The following DACH1 variants were observed in gnomAD, a reference collection of about 807,000 sequenced individuals.
DACH1 encodes the protein dachshund family transcription factor 1.
In DACH1, 12 loss-of-function variants were observed where a neutral mutation model predicts 54.2. The ratio of observed to expected loss-of-function variants is 0.22; its 90% CI spans 0.14 to 0.36. The LOEUF (loss-of-function observed/expected upper bound fraction) is 0.36, where lower values mean the gene tolerates loss of function less well. DACH1 is among the 10% of genes least tolerant of loss of function. The pLI, the probability that DACH1 is intolerant of heterozygous loss-of-function variation, is 1.00. For missense variants in DACH1, 805 were observed against 929.8 expected (o/e 0.87, Z 1.75); for synonymous variants, 386 against 366.2 (o/e 1.05, Z -0.62).
chr13:71,601,282 C>A (rs1874473694), intron 3 of DACH1, among the ~76,000 whole-genome samples: 1 of 151,976 alleles, frequency 6.6e-6, no homozygotes, highest in Non-Finnish European at 1.5e-5. Context: ...CAGATATTAT[C>A]AGTGGGATTA....
chr13:71,620,014 C>A (rs1195705632), intron 3 of DACH1, among the ~76,000 whole-genome samples: 1 of 151,738 alleles, frequency 6.6e-6, no homozygotes, highest in Non-Finnish European at 1.5e-5. Context: ...AAACTGGTAA[C>A]TGTAGGAGGC....
chr13:71,687,374 A>G (rs1315497555), intron 1 of DACH1, among the ~76,000 whole-genome samples: 1 of 151,974 alleles, frequency 6.6e-6, no homozygotes, highest in African/African-American at 2.4e-5. Context: ...AGGAATGCTT[A>G]CTTTCTAAGT....
At position 71,502,773 on chromosome 13, in the gene DACH1, T is replaced by C. The variant is rs183444817; in HGVS notation, c.1571-13625A>G. 1.1e-4 allele frequency among the ~76,000 whole-genome samples: 17 copies of C among 152,320 alleles called. No homozygotes were observed. The East Asian group carries it at 2.9e-3, about 26-fold the overall frequency. ...CATTTGTCACCATAAGAACCTTGTG[T>C]AGGTTTCCAAATCACCGTCTTTCAG... On this transcript the variant is annotated intron_variant, in intron 6 of 10. Transcript: ENST00000613252.
intron 3 of DACH1, among the ~76,000 whole-genome samples, chr13:71,616,135 C>T (rs1157922032): frequency 6.6e-6 from 1 of 152,112 alleles, no homozygotes; most frequent in Admixed American, 6.5e-5. Context: ...TAATGCTGAA[C>T]CACAAACATT....
At chr13:71,759,081 T>C (rs1316290506) in intron 1 of DACH1, among the ~76,000 whole-genome samples, 1 of 152,158 alleles carries the variant, frequency 6.6e-6, no homozygotes, top group Non-Finnish European at 1.5e-5. Context: ...TCTGGAACTT[T>C]TGGACAATGC....
chr13:71,666,007 G>A (rs1879809415), intron 2 of DACH1, among the ~76,000 whole-genome samples: 1 of 152,068 alleles, frequency 6.6e-6, no homozygotes, highest in Non-Finnish European at 1.5e-5. Flanking sequence ...CTACCATGTA[G>A]TAGTTAGTTA....
At chr13:71,693,469 A>AT (rs748598587) in intron 1 of DACH1, among the ~76,000 whole-genome samples, 5,912 of 119,186 alleles carry the variant, frequency 0.05, 244 homozygotes, top group African/African-American at 0.11. Flanking sequence ...CGCCCGGCAA[A>AT]TTTTTTTTTT....
At chr13:71,844,511 C>A (rs1350768574) in intron 1 of DACH1, among the ~76,000 whole-genome samples, 1 of 152,154 alleles carries the variant, frequency 6.6e-6, no homozygotes, top group East Asian at 1.9e-4. Flanking sequence ...ACTATACCTC[C>A]TCTCCTAAAT....
At chr13:71,724,729 GAGA>G (rs1423979051) in intron 1 of DACH1, among the ~76,000 whole-genome samples, 1 of 152,240 alleles carries the variant, frequency 6.6e-6, no homozygotes, top group East Asian at 1.9e-4. Flanking sequence ...GTTTTAAACA[GAGA>G]AGAATTGTAA....
At chr13:71,535,006 A>T (rs926627867) in intron 6 of DACH1, among the ~76,000 whole-genome samples, 5 of 151,872 alleles carry the variant, frequency 3.3e-5, no homozygotes, top group African/African-American at 9.7e-5. Context: ...AAAAAGATCT[A>T]GTGACTATCT....
intron 1 of DACH1, among the ~76,000 whole-genome samples, chr13:71,752,276 A>G (rs1289211802): frequency 1.3e-5 from 2 of 152,152 alleles, no homozygotes; most frequent in Non-Finnish European, 2.9e-5. Context: ...AATACATCAT[A>G]TATTTGCATA....
chr13:71,459,462 A>G (rs1299628974), intron 10 of DACH1, among the ~76,000 whole-genome samples: 1 of 151,950 alleles, frequency 6.6e-6, no homozygotes, highest in Non-Finnish European at 1.5e-5. Flanking sequence ...AGCAATTCTG[A>G]GGTTTCATTA....
chr13:71,856,215 T>C (rs1166602083), intron 1 of DACH1, among the ~76,000 whole-genome samples: 1 of 151,956 alleles, frequency 6.6e-6, no homozygotes, highest in East Asian at 1.9e-4. Flanking sequence ...TCCTTTCCCA[T>C]GGGGTAACTT....
rs181235227 is a variant in DACH1 at position 71,607,833 on chromosome 13, A to G, written c.1126+22723T>C. On this transcript the variant is annotated intron_variant, in intron 3 of 10. Transcript: ENST00000613252. ...AAAATTCAGACTGCCTGTCAGCTGT[A>G]TCAGTTTCAAAGGAACAGTGTCATA... Among the ~76,000 whole-genome samples, 12 of 152,216 alleles carry G rather than the reference A, an allele frequency of 7.9e-5. No homozygotes were observed. In the East Asian group the frequency reaches 2.3e-3, roughly 29 times the overall value.
Position 71,465,381 on chromosome 13 carries a change from G to GA in DACH1, c.2083+9759dup, listed in dbSNP as rs566691988. 1.1e-4 allele frequency among the ~76,000 whole-genome samples: 17 copies of GA among 151,664 alleles called. No individual in the cohort carries two copies. The South Asian group carries it at 3.3e-3, about 30-fold the overall frequency. ...GACTCTTGAAGTATAACATTTCTCA[G>GA]AAAAAAAATTAATTGTATTTATGCT... On this transcript the variant is annotated intron_variant, in intron 10 of 10. Coordinates refer to ENST00000613252, the MANE Select transcript of DACH1 (RefSeq NM_080759.6).
intron 6 of DACH1, among the ~76,000 whole-genome samples, chr13:71,498,264 G>A (rs1238566219): frequency 1.3e-5 from 2 of 152,072 alleles, no homozygotes; most frequent in Non-Finnish European, 2.9e-5. Context: ...GGAGGAAATC[G>A]ATCATCTAGT....
intron 2 of DACH1, among the ~76,000 whole-genome samples, chr13:71,649,170 T>C (rs1325819940): frequency 1.3e-5 from 2 of 152,150 alleles, no homozygotes; most frequent in East Asian, 1.9e-4. Context: ...ACTAGTTCAG[T>C]AATGTGCTGT....
chr13:71,735,283 T>C lies in DACH1; in HGVS notation c.849-53373A>G, dbSNP rs1182143079. On this transcript the variant is annotated intron_variant, in intron 1 of 10. Transcript: ENST00000613252. ...TGTATATGGGATACACGTATGTATA[T>C]GGGATATACACGTATACGGGATATA... Among the ~76,000 whole-genome samples, 11 of 68,744 alleles carry C rather than the reference T, an allele frequency of 1.6e-4. 3 individuals are homozygous for C. The highest frequency in any genetic ancestry group is 3.7e-4 in the African/African-American group (10 of 27,196). 45.1% of individuals were successfully genotyped at this position (68,744 alleles called of 152,430 possible).
At chr13:71,580,016 TACAG>T (rs904516365) in intron 3 of DACH1, among the ~76,000 whole-genome samples, 1 of 152,150 alleles carries the variant, frequency 6.6e-6, no homozygotes, top group Non-Finnish European at 1.5e-5. Flanking sequence ...GTCTTGTAAA[TACAG>T]ACTATAAGCT....
Sources: gnomAD v4.1 joint callset for allele counts (sites outside exome capture counted in the v4.1 genomes callset) on GRCh38, gnomAD v4.1.1 for gene constraint, MANE v1.5 for transcripts, NCBI Gene and HGNC (gene_info 2026-07-23, HGNC 2026-07-21) for gene names.